ABHD12: variants seen among roughly 807,000 people sequenced by gnomAD.
ABHD12 encodes lysophosphatidylserine lipase ABHD12.
In ABHD12, 43 loss-of-function variants were observed where a neutral mutation model predicts 58.3. The observed-to-expected ratio is 0.74, with a 90% CI of 0.58 to 0.95. The LOEUF (loss-of-function observed/expected upper bound fraction) is 0.95, where lower values mean the gene tolerates loss of function less well. ABHD12 is among the 40% of genes least tolerant of loss of function. The pLI is 0.00. For missense variants in ABHD12, 539 were observed against 537.2 expected (o/e 1.00, Z -0.03); for synonymous variants, 219 against 211.2 (o/e 1.04, Z -0.32).
chr20:25,340,418 T>C (rs1325309596), intron 1 of ABHD12, among the ~76,000 whole-genome samples: 1 of 152,254 alleles, frequency 6.6e-6, no homozygotes, highest in Non-Finnish European at 1.5e-5. Flanking sequence ...TGCAATCTGC[T>C]GTGAATCCAC....
rs2088620355 is a variant in ABHD12, at chr20:25,300,756, G to GC, written c.*88dup. Reference sequence around the variant, plus strand: ...GGGCTCCTGAGCATTGCAGGTGCCGGCCCCCCGGGGCTTCAGGATACCGGG... The same window carrying GC: ...GGGCTCCTGAGCATTGCAGGTGCCGGCCCCCCCGGGGCTTCAGGATACCGGG... On this transcript the variant is annotated 3_prime_UTR_variant, in exon 13 of 13. Transcript: ENST00000339157. 9.3e-6 allele frequency: 15 copies of GC among 1,606,964 alleles called. No homozygotes were observed. The highest frequency in any genetic ancestry group is 1.8e-4 in the Middle Eastern group (1 of 5,602).
At chr20:25,350,926 A>C (rs2089589453) in intron 1 of ABHD12, among the ~76,000 whole-genome samples, 1 of 151,242 alleles carries the variant, frequency 6.6e-6, no homozygotes, top group East Asian at 2.0e-4. Flanking sequence ...GCTGTAGAAA[A>C]GCCTCATCAG....
At position 25,300,800 on chromosome 20, in the gene ABHD12, C is replaced by T. The variant is rs200450758; in HGVS notation, c.*45G>A. On this transcript the variant is annotated 3_prime_UTR_variant, in exon 13 of 13. Transcript: ENST00000339157. ...TACCGGGCTGCTGACTGGAGGAAAA[C>T]GGGAGGAGGGCAGAGGTCTTCATGC... 1.6e-5 allele frequency: 26 copies of T among 1,613,716 alleles called. No individual in the cohort carries two copies. In the African/African-American group the frequency reaches 2.3e-4, roughly 14 times the overall value.
intron 1 of ABHD12, chr20:25,368,704 A>G (rs1047884969): frequency 6.0e-6 from 8 of 1,330,428 alleles, no homozygotes; most frequent in Admixed American, 3.4e-5. Context: ...AAACAGGTTG[A>G]AGGAGACGCG....
chr20:25,340,604 CAT>C (rs1381865599), intron 1 of ABHD12, among the ~76,000 whole-genome samples: 1 of 152,218 alleles, frequency 6.6e-6, no homozygotes, highest in African/African-American at 2.4e-5. Flanking sequence ...TCTAACTTGC[CAT>C]ATGACTCTAA....
intron 1 of ABHD12, among the ~76,000 whole-genome samples, chr20:25,376,542 A>C (rs1385427706): frequency 6.6e-6 from 1 of 152,246 alleles, no homozygotes; most frequent in Admixed American, 6.5e-5. Flanking sequence ...TGGCAGAAAC[A>C]AAAATATTTC....
chr20:25,380,407 G>C (rs539640305), intron 1 of ABHD12, among the ~76,000 whole-genome samples: 3 of 152,270 alleles, frequency 2.0e-5, no homozygotes, highest in East Asian at 1.9e-4. Context: ...CTATGGCATA[G>C]TGATGCTTTT....
intron 1 of ABHD12, 39 bp downstream of exon 1, chr20:25,390,472 GAC>G: frequency 6.4e-6 from 8 of 1,248,434 alleles, no homozygotes; most frequent in East Asian, 7.1e-5. Context: ...CAAAGTGAGG[GAC>G]CGGCCCCCCC....
chr20:25,348,039 G>A (rs372100441), intron 1 of ABHD12, among the ~76,000 whole-genome samples: 40 of 151,806 alleles, frequency 2.6e-4, no homozygotes, highest in African/African-American at 9.7e-4. Flanking sequence ...GTGAAAACCC[G>A]TCTCTATCAA....
At chr20:25,365,979 G>A (rs1376167652) in intron 1 of ABHD12, among the ~76,000 whole-genome samples, 1 of 152,208 alleles carries the variant, frequency 6.6e-6, no homozygotes, top group Non-Finnish European at 1.5e-5. Context: ...GGTCAAGGCT[G>A]TAGTGAGCTG....
At chr20:25,374,578 C>A (rs2089939237) in intron 1 of ABHD12, among the ~76,000 whole-genome samples, 1 of 152,120 alleles carries the variant, frequency 6.6e-6, no homozygotes, top group Non-Finnish European at 1.5e-5. Flanking sequence ...ACTGCAACCT[C>A]CGCCTCCCAG....
chr20:25,309,917 G>A (rs1464220838), intron 6 of ABHD12, among the ~76,000 whole-genome samples: 1 of 152,384 alleles, frequency 6.6e-6, no homozygotes. Context: ...TAACAGAACA[G>A]ATCACAGAGC....
In ABHD12 at chr20:25,355,848, C is replaced by T. The variant is rs1009411649; in HGVS notation, c.192-16497G>A. Among the ~76,000 whole-genome samples, 6 of 135,428 alleles carry T rather than the reference C, an allele frequency of 4.4e-5. 1 individual carries two copies. The highest frequency in any genetic ancestry group is 6.2e-5 in the Non-Finnish European group (4 of 64,048). 88.8% of individuals were successfully genotyped at this position (135,428 alleles called of 152,430 possible). On this transcript the variant is annotated intron_variant, in intron 1 of 12. Coordinates refer to ENST00000339157, the MANE Select transcript of ABHD12 (RefSeq NM_001042472.3). ...CTGGGATTACAGGCGTGAGCCACTG[C>T]GCCCAGCCCATAAAGGGTATTTTTA...
chr20:25,305,647 CACCACGCCCAGCCT>C (rs1184818779), intron 10 of ABHD12, among the ~76,000 whole-genome samples: 44 of 152,178 alleles, frequency 2.9e-4, no homozygotes, highest in Admixed American at 8.5e-4. Context: ...AGGCATGAGC[CACCACGCCCAGCCT>C]ACTTCCCTCT....
chr20:25,354,619 ACC>A, intron 1 of ABHD12, among the ~76,000 whole-genome samples: 1 of 152,224 alleles, frequency 6.6e-6, no homozygotes, highest in East Asian at 1.9e-4. Context: ...CATGATGAGG[ACC>A]CTTTTGGTTC....
intron 8 of ABHD12, 29 bp from the exon 9 acceptor site, chr20:25,308,074 T>A: frequency 1.4e-6 from 2 of 1,477,280 alleles, no homozygotes; most frequent in South Asian, 2.3e-5. Flanking sequence ...AACTGAGAGG[T>A]AGGCAGGAAG....
chr20:25,312,603 C>A (rs1465135959), intron 6 of ABHD12, among the ~76,000 whole-genome samples: 1 of 152,194 alleles, frequency 6.6e-6, no homozygotes, highest in Non-Finnish European at 1.5e-5. Flanking sequence ...GCCGCCACCC[C>A]GTCTGGGAAG....
chr20:25,341,727 C>T (rs1336353449), intron 1 of ABHD12, among the ~76,000 whole-genome samples: 1 of 152,118 alleles, frequency 6.6e-6, no homozygotes, highest in African/African-American at 2.4e-5. Context: ...GGGTCTGACA[C>T]AGCTAACGGC....
At chr20:25,390,435 C>T in intron 1 of ABHD12, 78 bp downstream of exon 1, 6 of 1,311,372 alleles carry the variant, frequency 4.6e-6, no homozygotes, top group Non-Finnish European at 5.8e-6. Flanking sequence ...TGGGAGGTAC[C>T]GCGGCCCCCT....
Sources: gnomAD v4.1 joint callset for allele counts (sites outside exome capture counted in the v4.1 genomes callset) on GRCh38, gnomAD v4.1.1 for gene constraint, MANE v1.5 for transcripts, NCBI Gene and HGNC (gene_info 2026-07-23, HGNC 2026-07-21) for gene names.